The following NAGA variants were observed in gnomAD, a reference collection of about 807,000 sequenced individuals.
NAGA encodes alpha-N-acetylgalactosaminidase, also known as Acetylgalactosaminidase, alpha-N- (alpha-galactosidase B).
Under a neutral mutation model 45.6 loss-of-function variants are expected in NAGA, and 42 were observed. The observed-to-expected ratio is 0.92, with a 90% confidence interval of 0.72 to 1.19. NAGA has a LOEUF of 1.19. Among genes scored for constraint, NAGA ranks in the 50% most tolerant of loss-of-function variants. The pLI, the probability that NAGA is intolerant of heterozygous loss-of-function variation, is 0.00. For synonymous variants in NAGA, 176 were observed against 203.1 expected (o/e 0.87, Z 1.13); for missense variants, 493 against 544.8 (o/e 0.90, Z 0.95).
chr22:42,060,204 C>T lies in NAGA; in HGVS notation c.*75G>A. On this transcript the variant is annotated 3_prime_UTR_variant, in exon 9 of 9. Transcript: ENST00000396398. The stretch of plus-strand genomic sequence containing the variant: ...GCCTGGGGAGCAGAGAACCTCCCCA[C>T]TTGCCCTGGGCATGCCAAGGCTCCA... 6.3e-7 allele frequency: 1 copy of T among 1,591,806 alleles called. No individual in the cohort carries two copies. Among genetic ancestry groups the T allele is most frequent in the Non-Finnish European group, 8.6e-7 (1 of 1,167,344 alleles).
In NAGA at chr22:42,060,010, G is replaced by T; in HGVS notation, c.*269C>A. The T allele has an allele frequency of 2.1e-6, 1 of 477,234 alleles. No homozygotes were observed. Among genetic ancestry groups the T allele is most frequent in the Non-Finnish European group, 3.9e-6 (1 of 258,102 alleles). 29.6% of individuals were successfully genotyped at this position (477,234 alleles called of 1,614,324 possible). A position where few individuals can be genotyped will look rare whatever the true frequency, so the allele number is the denominator to read the frequency against. ...GATGGGCATGGAGCTCAGGAGGCTGGCGAGTTGCTCAGCAACGTCTGTGGG... is the reference window on the plus strand; with the variant it reads ...GATGGGCATGGAGCTCAGGAGGCTGTCGAGTTGCTCAGCAACGTCTGTGGG... On this transcript the variant is annotated 3_prime_UTR_variant, in exon 9 of 9. Transcript: ENST00000396398.
chr22:42,066,718 G>T lies in NAGA; in HGVS notation c.589C>A (p.Pro197Thr). ...CSWPAYEGGL[P>T]PRVNYSLLAD... ...GGGGCAGAATGGCTTACCCTTGGGGGGAGGCCGCCTTCATAGGCTGGCCAG... is the reference window on the plus strand; with the variant it reads ...GGGGCAGAATGGCTTACCCTTGGGGTGAGGCCGCCTTCATAGGCTGGCCAG... The change falls in exon 5 of 9, where the codon CCC (proline) becomes ACC (threonine). Residue 197 changes from proline (P) to threonine (T), a missense_variant. By Grantham distance (38) the Pro-to-Thr change is conservative. Coordinates refer to ENST00000396398, the MANE Select transcript of NAGA (RefSeq NM_000262.3). The T allele has an allele frequency of 6.3e-7, 1 of 1,599,546 alleles. No individual in the cohort carries two copies. The highest frequency in any genetic ancestry group is 8.5e-7 in the Non-Finnish European group (1 of 1,173,440).
At chr22:42,065,621 A>G in intron 6 of NAGA, 117 bp downstream of exon 6, 3 of 1,381,842 alleles carry the variant, frequency 2.2e-6, no homozygotes, top group Non-Finnish European at 3.0e-6. Flanking sequence ...GACACATTTC[A>G]GAAGCGCTGA....
Position 42,060,991 on chromosome 22 carries a change from G to A in NAGA, c.1034C>T (p.Thr345Ile). The stretch of plus-strand genomic sequence containing the variant: ...GGAGTGGTAGCGATAAGGCATATCG[G>A]TCCTGCAGCTGAAGAAGACTAAGGC... ...ASALVFFSCRTDMPYRYHSSL... is the reference protein window; with the variant it reads ...ASALVFFSCRIDMPYRYHSSL... The change falls in exon 8 of 9, where the codon ACC becomes ATC. Residue 345 changes from threonine (T) to isoleucine (I), a missense_variant. Thr to Ile is a moderately conservative substitution (Grantham distance 89). Transcript: ENST00000396398. 2 of 1,614,226 alleles carry A rather than the reference G, an allele frequency of 1.2e-6. No homozygotes were observed. The highest frequency in any genetic ancestry group is 1.7e-6 in the Non-Finnish European group (2 of 1,180,036).
Position 42,066,790 on chromosome 22 carries a change from C to T in NAGA, c.517G>A (p.Ala173Thr). 6.2e-7 allele frequency: 1 copy of T among 1,605,912 alleles called. No individual in the cohort carries two copies. Among genetic ancestry groups the T allele is most frequent in the Non-Finnish European group, 8.5e-7 (1 of 1,176,380 alleles). ...EERAQGYPKM[A>T]AALNATGRPI... Reference sequence around the variant, plus strand: ...CGGCCTGTGGCATTCAGGGCAGCAGCCATCTTGGGGTACCCTAGAGAAAGC... The same window carrying T: ...CGGCCTGTGGCATTCAGGGCAGCAGTCATCTTGGGGTACCCTAGAGAAAGC... The change falls in exon 5 of 9, where the codon GCT becomes ACT. Residue 173 changes from alanine to threonine, a missense_variant. Ala to Thr is a moderately conservative substitution (Grantham distance 58, BLOSUM62 0). Coordinates refer to ENST00000396398, the MANE Select transcript of NAGA (RefSeq NM_000262.3).
rs76179735 is a variant in NAGA, at chr22:42,061,398, G to A, written c.958-331C>T. Reference sequence around the variant, plus strand: ...CAGGGAAGCGCAACAACAGTACAGCGTATGAGTGCTGGCCCCAAACAGCTG... The same window carrying A: ...CAGGGAAGCGCAACAACAGTACAGCATATGAGTGCTGGCCCCAAACAGCTG... On this transcript the variant is annotated intron_variant, in intron 7 of 8. Coordinates refer to ENST00000396398, the MANE Select transcript of NAGA (RefSeq NM_000262.3). Among the ~76,000 whole-genome samples, 439 of 152,360 alleles carry A rather than the reference G, an allele frequency of 2.9e-3. 1 individual carries two copies. Among genetic ancestry groups the A allele is most frequent in the African/African-American group, 0.01 (417 of 41,582 alleles).
At chr22:42,069,032 G>A (rs1271678351) in intron 1 of NAGA, among the ~76,000 whole-genome samples, 2 of 152,212 alleles carry the variant, frequency 1.3e-5, no homozygotes, top group African/African-American at 4.8e-5. Context: ...GCCGAGGCGA[G>A]TGGATCACTT....
Position 42,065,906 on chromosome 22 carries a change from G to A in NAGA, c.598-7C>T. 2 of 1,613,880 alleles carry A rather than the reference G, an allele frequency of 1.2e-6. No individual in the cohort carries two copies. The highest frequency in any genetic ancestry group is 1.7e-6 in the Non-Finnish European group (2 of 1,179,880). ...CCAGCAGACTGTAGTTCACCTGGAT[G>A]TCGAGGGGAAGGCAGAGTCCAGCAC... On this transcript the variant is annotated splice_region_variant and splice_polypyrimidine_tract_variant and intron_variant, in intron 5 of 8. Transcript: ENST00000396398.
chr22:42,066,296 T>C (rs1453554863), intron 5 of NAGA, among the ~76,000 whole-genome samples: 1 of 151,966 alleles, frequency 6.6e-6, no homozygotes, highest in East Asian at 1.9e-4. Flanking sequence ...TCAAACATGC[T>C]AAGGGAGCCC....
At chr22:42,061,382 G>T (rs577529051) in intron 7 of NAGA, among the ~76,000 whole-genome samples, 1 of 152,234 alleles carries the variant, frequency 6.6e-6, no homozygotes, top group Non-Finnish European at 1.5e-5. Flanking sequence ...ACAGGGAAGC[G>T]CAACAACAGT....
At chr22:42,066,029 C>T (rs530301044) in intron 5 of NAGA, 130 bp from the exon 6 acceptor site, 34 of 1,239,760 alleles carry the variant, frequency 2.7e-5, no homozygotes, top group East Asian at 1.0e-4. Flanking sequence ...CAGGCCCCAC[C>T]GGCTTGCTCA....
chr22:42,066,120 A>C (rs1602495616), intron 5 of NAGA, among the ~76,000 whole-genome samples: 1 of 152,108 alleles, frequency 6.6e-6, no homozygotes, highest in Non-Finnish European at 1.5e-5. Context: ...CCAGGAGCCT[A>C]CCCTGCCTTC....
intron 7 of NAGA, among the ~76,000 whole-genome samples, chr22:42,062,269 T>C (rs1446317728): frequency 1.3e-5 from 2 of 151,358 alleles, no homozygotes; most frequent in African/African-American, 4.9e-5. Context: ...AGGCCAGGAG[T>C]TCGAGACAAG....
At position 42,060,084 on chromosome 22, in the gene NAGA, C is replaced by T; in HGVS notation, c.*195G>A. ...CAGGAAGGCCACAGGAAAATTGCCC[C>T]AAAAGAAGTTTCCAAGAGGGTTTAC... On this transcript the variant is annotated 3_prime_UTR_variant, in exon 9 of 9. Coordinates refer to ENST00000396398, the MANE Select transcript of NAGA (RefSeq NM_000262.3). The T allele has an allele frequency of 3.0e-6, 2 of 676,446 alleles. No individual in the cohort carries two copies. The highest frequency in any genetic ancestry group is 2.8e-5 in the East Asian group (1 of 35,166). 41.9% of individuals were successfully genotyped at this position (676,446 alleles called of 1,614,324 possible). A position where few individuals can be genotyped will look rare whatever the true frequency, so the allele number is the denominator to read the frequency against.
chr22:42,067,321 A>G (rs1926800052), intron 3 of NAGA, 31 bp from the exon 4 acceptor site: 1 of 1,613,130 alleles, frequency 6.2e-7, no homozygotes, highest in African/African-American at 1.3e-5. Context: ...AGTGGGCTCA[A>G]GCAGGACCCT....
intron 7 of NAGA, 99 bp downstream of exon 7, chr22:42,062,728 G>A: frequency 7.1e-7 from 1 of 1,403,940 alleles, no homozygotes; most frequent in Non-Finnish European, 1.0e-6. Context: ...GGCGACTCCT[G>A]TACCTCGCCA....
rs1277595836 is a variant in NAGA, at chr22:42,069,856, G to A, written c.16+426C>T. ...ATTGGCCAGACTCCAGGTCTCCTGA[G>A]CCCCAGTCCAGAGCTCTTTGCTCTC... On this transcript the variant is annotated intron_variant, in intron 1 of 8. Coordinates refer to ENST00000396398, the MANE Select transcript of NAGA (RefSeq NM_000262.3). Among the ~76,000 whole-genome samples the A allele has an allele frequency of 2.0e-5, 3 of 152,220 alleles. No homozygotes were observed. In the East Asian group the frequency reaches 5.8e-4, roughly 29 times the overall value.
At chr22:42,065,686 GC>G in intron 6 of NAGA, 51 bp downstream of exon 6, 2 of 1,609,264 alleles carry the variant, frequency 1.2e-6, no homozygotes, top group Non-Finnish European at 1.7e-6. Flanking sequence ...GCAGTGGGGA[GC>G]AGGGTCGTCA....
Position 42,067,217 on chromosome 22 carries a change from G to A in NAGA, c.398C>T (p.Thr133Ile). ...ATCCTGGACCACCTTGTCCAGTGTGGTGCCTGGGTAACCCATGCAGGTGAA... is the reference window on the plus strand; with the variant it reads ...ATCCTGGACCACCTTGTCCAGTGTGATGCCTGGGTAACCCATGCAGGTGAA... ...GNFTCMGYPGTTLDKVVQDAQ... is the reference protein window; with the variant it reads ...GNFTCMGYPGITLDKVVQDAQ... Residue 133 changes from threonine (T) to isoleucine (I), a missense_variant, in exon 4 of 9, where the codon ACC (threonine) becomes ATC (isoleucine). Physicochemically the swap from Thr to Ile is moderately conservative, Grantham distance 89. Transcript: ENST00000396398. 3.1e-6 allele frequency: 5 copies of A among 1,614,186 alleles called. No individual in the cohort carries two copies. The highest frequency in any genetic ancestry group is 4.2e-6 in the Non-Finnish European group (5 of 1,180,042).
Sources: allele counts gnomAD v4.1 joint callset (sites outside exome capture counted in the v4.1 genomes callset), GRCh38; gene constraint gnomAD v4.1.1; transcripts MANE v1.5; gene names NCBI Gene and HGNC (gene_info 2026-07-23, HGNC 2026-07-21).